MACROD1: variants seen among roughly 807,000 people sequenced by gnomAD.
MACROD1 encodes the protein mono-ADP ribosylhydrolase 1, also known as ADP-ribose glycohydrolase MACROD1.
In MACROD1, 31 loss-of-function variants were observed where a neutral mutation model predicts 41.4. The observed-to-expected ratio is 0.75, with a 90% CI of 0.56 to 1.01. The LOEUF is 1.01. MACROD1 is among the 50% of genes least tolerant of loss of function. MACROD1 has a pLI of 0.00. For missense variants in MACROD1, 473 were observed against 460.0 expected, an observed-to-expected ratio of 1.03 and a Z score of -0.26; for synonymous variants, 252 against 203.4, an observed-to-expected ratio of 1.24 and a Z score of -2.03.
intron 3 of MACROD1, chr11:64,116,789 C>T (rs748550519): frequency 3.5e-5 from 56 of 1,613,438 alleles, no homozygotes; most frequent in Non-Finnish European, 3.6e-5. Context: ...ACGCCTTCGC[C>T]GACAGCAAAC....
At chr11:64,041,379 G>A (rs1347786175) in intron 3 of MACROD1, among the ~76,000 whole-genome samples, 4 of 151,898 alleles carry the variant, frequency 2.6e-5, no homozygotes, top group African/African-American at 4.8e-5. Flanking sequence ...AATGCTGCTC[G>A]GGAAAATGTC....
In MACROD1 at chr11:64,122,598, G is replaced by A. The variant is rs570004984; in HGVS notation, c.517+28641C>T. Among the ~76,000 whole-genome samples the A allele has an allele frequency of 6.6e-6, 1 of 152,364 alleles. No individual in the cohort carries two copies. The highest frequency in any genetic ancestry group is 2.4e-5 in the African/African-American group (1 of 41,586). Reference sequence around the variant, plus strand: ...AGAGAGCTGAGGAGGGGGTCGGGGAGATGTTTCCAGAGCGGTGCAGGGAAA... The same window carrying A: ...AGAGAGCTGAGGAGGGGGTCGGGGAAATGTTTCCAGAGCGGTGCAGGGAAA... On this transcript the variant is annotated intron_variant, in intron 3 of 10. Coordinates refer to ENST00000255681, the MANE Select transcript of MACROD1 (RefSeq NM_014067.4). This position sits in a 1 kb window ranked among gnomAD's most constrained non-coding sequence, Gnocchi z 4.0.
At chr11:64,148,108 G>T (rs558763760) in intron 3 of MACROD1, among the ~76,000 whole-genome samples, 117 of 152,176 alleles carry the variant, frequency 7.7e-4, no homozygotes, top group African/African-American at 2.7e-3. Flanking sequence ...GAAAGAGTGA[G>T]GGGGGCGGGC....
In MACROD1 at chr11:64,042,142, C is replaced by G. The variant is rs188722672; in HGVS notation, c.518-26861G>C. 1.2e-4 allele frequency among the ~76,000 whole-genome samples: 18 copies of G among 152,294 alleles called. No individual in the cohort carries two copies. The East Asian group carries it at 3.5e-3, about 29-fold the overall frequency. On this transcript the variant is annotated intron_variant, in intron 3 of 10. Transcript: ENST00000255681. ...GAGGGGGAGACAGATGTGCACCACG[C>G]TCACACCTCTGGTGGGCACACATGC... is the stretch of plus-strand genomic sequence containing the variant.
intron 3 of MACROD1, among the ~76,000 whole-genome samples, chr11:64,046,156 G>T (rs1341760339): frequency 1.3e-5 from 2 of 152,180 alleles, no homozygotes; most frequent in Non-Finnish European, 2.9e-5. Context: ...GCTTCTCTTA[G>T]CATGGGTGCT....
rs2032169454 is a variant in MACROD1 at position 64,064,059 on chromosome 11, C to T, written c.518-48778G>A. Among the ~76,000 whole-genome samples the T allele has an allele frequency of 6.6e-6, 1 of 152,196 alleles. No homozygotes were observed. The highest frequency in any genetic ancestry group is 2.4e-5 in the African/African-American group (1 of 41,448). Reference sequence around the variant, plus strand: ...TCTTTGTAGGTTAGCCAGCTTTGAACAGCGACACCCACACAAACCCGAGGT... The same window carrying T: ...TCTTTGTAGGTTAGCCAGCTTTGAATAGCGACACCCACACAAACCCGAGGT... On this transcript the variant is annotated intron_variant, in intron 3 of 10. Transcript: ENST00000255681. The surrounding 1 kb of genome is among the most constrained non-coding windows in gnomAD (Gnocchi z 4.5).
At chr11:64,102,471 T>C (rs987759243) in intron 3 of MACROD1, among the ~76,000 whole-genome samples, 4 of 152,192 alleles carry the variant, frequency 2.6e-5, no homozygotes, top group Non-Finnish European at 4.4e-5. Context: ...GGAAAGGCAG[T>C]GCTTGTTCTG....
intron 3 of MACROD1, among the ~76,000 whole-genome samples, chr11:64,030,988 T>G (rs1943286287): frequency 6.6e-6 from 1 of 151,710 alleles, no homozygotes; most frequent in African/African-American, 2.4e-5. Flanking sequence ...GAGGAGTTGG[T>G]TAGGACTGGA....
intron 1 of MACROD1, among the ~76,000 whole-genome samples, chr11:64,153,410 A>C (rs546964190): frequency 8.5e-4 from 130 of 152,288 alleles, no homozygotes; most frequent in African/African-American, 3.1e-3. Context: ...CAATTAGAGG[A>C]GGTGGTGAGA....
chr11:64,148,580 G>A (rs1945529237), intron 3 of MACROD1, among the ~76,000 whole-genome samples: 1 of 152,164 alleles, frequency 6.6e-6, no homozygotes, highest in Non-Finnish European at 1.5e-5. Context: ...TGGTGGCTCC[G>A]TGGTAGGCAC....
intron 3 of MACROD1, among the ~76,000 whole-genome samples, chr11:64,149,686 T>C (rs538687070): frequency 6.6e-6 from 1 of 152,348 alleles, no homozygotes; most frequent in East Asian, 1.9e-4. Context: ...AGCAAGAAGG[T>C]ACCGCTGCAG....
chr11:64,135,326 C>G (rs987962226), intron 3 of MACROD1, among the ~76,000 whole-genome samples: 6 of 152,230 alleles, frequency 3.9e-5, no homozygotes, highest in African/African-American at 1.4e-4. Context: ...TGGCACACAC[C>G]TTCCCTGTCC....
intron 3 of MACROD1, among the ~76,000 whole-genome samples, chr11:64,107,266 T>C (rs1479229450): frequency 6.6e-6 from 1 of 152,264 alleles, no homozygotes; most frequent in East Asian, 1.9e-4. Context: ...CAGACAGAAA[T>C]ATCAGGTGTA....
intron 3 of MACROD1, among the ~76,000 whole-genome samples, chr11:64,071,546 T>G (rs1944107849): frequency 6.6e-6 from 1 of 152,070 alleles, no homozygotes; most frequent in African/African-American, 2.4e-5. Flanking sequence ...AGGGGCCCAC[T>G]CTGGGCAGGG....
At chr11:64,029,454 C>G (rs936591513) in intron 3 of MACROD1, among the ~76,000 whole-genome samples, 49 of 152,142 alleles carry the variant, frequency 3.2e-4, no homozygotes, top group Non-Finnish European at 8.8e-5. Context: ...ACCCCGTCCC[C>G]TGGCTCCCTG....
At chr11:64,011,273 G>A (rs1943012801) in intron 4 of MACROD1, among the ~76,000 whole-genome samples, 1 of 150,814 alleles carries the variant, frequency 6.6e-6, no homozygotes, top group Non-Finnish European at 1.5e-5. Flanking sequence ...TTGGGGTGTT[G>A]GCTGGCATGC....
At chr11:64,075,725 C>T (rs4436549) in intron 3 of MACROD1, among the ~76,000 whole-genome samples, 1,830 of 152,300 alleles carry the variant, frequency 0.012, 21 homozygotes, top group Middle Eastern at 0.041. Flanking sequence ...CAGGCTGGAG[C>T]GCAGTGGCAC....
intron 3 of MACROD1, among the ~76,000 whole-genome samples, chr11:64,070,640 C>G (rs146547511): frequency 6.6e-6 from 1 of 152,140 alleles, no homozygotes; most frequent in South Asian, 2.1e-4. Flanking sequence ...AACTAACACT[C>G]GGGCTGGGGC....
chr11:64,145,168 T>A (rs1945476594), intron 3 of MACROD1, among the ~76,000 whole-genome samples: 1 of 152,190 alleles, frequency 6.6e-6, no homozygotes, highest in South Asian at 2.1e-4. Context: ...GAGCGCCACT[T>A]CATGACTTAT....
Sources: allele counts gnomAD v4.1 joint callset (sites outside exome capture counted in the v4.1 genomes callset), GRCh38; gene constraint gnomAD v4.1.1; non-coding constraint Gnocchi (gnomAD v3.1); transcripts MANE v1.5; gene names NCBI Gene and HGNC (gene_info 2026-07-23, HGNC 2026-07-21).